The following VAV2 variants were observed in gnomAD, a reference collection of about 807,000 sequenced individuals.
VAV2 encodes the protein guanine nucleotide exchange factor VAV2.
VAV2 carries 67 observed loss-of-function variants against 132.5 expected under a neutral mutation model. The observed-to-expected ratio is 0.51, with a 90% confidence interval of 0.42 to 0.62. The LOEUF (loss-of-function observed/expected upper bound fraction) is 0.62, where lower values mean the gene tolerates loss of function less well. VAV2 is among the 20% of genes least tolerant of loss of function. The pLI is 0.00. For missense variants in VAV2, 938 were observed against 1,153.6 expected, an observed-to-expected ratio of 0.81 and a Z score of 2.71; for synonymous variants, 492 against 443.5, an observed-to-expected ratio of 1.11 and a Z score of -1.37.
intron 2 of VAV2, among the ~76,000 whole-genome samples, chr9:133,874,945 C>G (rs548561045): frequency 1.3e-5 from 2 of 152,286 alleles, no homozygotes; most frequent in East Asian, 3.9e-4. Flanking sequence ...AGAACCCTCA[C>G]CTTACACACA....
intron 4 of VAV2, among the ~76,000 whole-genome samples, chr9:133,814,223 C>T (rs1835469027): frequency 6.6e-6 from 1 of 152,162 alleles, no homozygotes; most frequent in African/African-American, 2.4e-5. Flanking sequence ...CCAGGTCCGG[C>T]GACTGCCTTA....
chr9:133,777,133 C>G (rs946863413), intron 23 of VAV2, among the ~76,000 whole-genome samples: 38 of 152,236 alleles, frequency 2.5e-4, no homozygotes, highest in African/African-American at 8.9e-4. Context: ...TGCAGAAATG[C>G]CTGTTTTGGT....
intron 1 of VAV2, among the ~76,000 whole-genome samples, chr9:133,970,793 T>A (rs1842306325): frequency 6.6e-6 from 1 of 152,336 alleles, no homozygotes; most frequent in South Asian, 2.1e-4. Context: ...AGGGCAGCCC[T>A]GAACTAGCAG....
chr9:133,764,351 AT>A (rs1833365695), intron 29 of VAV2, among the ~76,000 whole-genome samples: 1 of 152,208 alleles, frequency 6.6e-6, no homozygotes, highest in African/African-American at 2.4e-5. Flanking sequence ...CAGAAAAAAA[AT>A]AAACCCTCCT....
At chr9:133,855,650 C>G (rs540442826) in intron 3 of VAV2, among the ~76,000 whole-genome samples, 2 of 152,344 alleles carry the variant, frequency 1.3e-5, no homozygotes, top group South Asian at 4.1e-4. Flanking sequence ...CAGCTCCCCC[C>G]GCACATGGGA....
intron 1 of VAV2, among the ~76,000 whole-genome samples, chr9:133,987,524 G>A (rs563457163): frequency 7.9e-4 from 121 of 152,390 alleles, no homozygotes; most frequent in South Asian, 6.2e-3. Flanking sequence ...CCAGGCTGGC[G>A]TGTCCGGGAA....
intron 1 of VAV2, among the ~76,000 whole-genome samples, chr9:133,941,102 C>A (rs946433133): frequency 6.6e-6 from 1 of 152,070 alleles, no homozygotes; most frequent in Non-Finnish European, 1.5e-5. Context: ...CTGTGCCCAC[C>A]AAACACTCAA....
At chr9:133,956,795 C>A (rs1841796290) in intron 1 of VAV2, among the ~76,000 whole-genome samples, 1 of 152,206 alleles carries the variant, frequency 6.6e-6, no homozygotes, top group Admixed American at 6.5e-5. Flanking sequence ...GCCTTCCGCC[C>A]CCACCCAGGC....
intron 2 of VAV2, among the ~76,000 whole-genome samples, chr9:133,866,088 C>T (rs1187363932): frequency 6.6e-6 from 1 of 152,184 alleles, no homozygotes; most frequent in African/African-American, 2.4e-5. Context: ...ATCTCCCTCA[C>T]CTCCACCATG....
chr9:133,779,991 G>A (rs1833949537), intron 20 of VAV2, 52 bp from the exon 21 acceptor site: 3 of 1,608,706 alleles, frequency 1.9e-6, no homozygotes, highest in Non-Finnish European at 2.5e-6. Context: ...CTCTTTGACT[G>A]TGGCCCATGC....
chr9:133,908,675 G>A (rs1045812340), intron 2 of VAV2, among the ~76,000 whole-genome samples: 19 of 152,358 alleles, frequency 1.2e-4, no homozygotes, highest in Middle Eastern at 6.8e-3. Context: ...AAGGCAGCAG[G>A]CTGTAGTGGG....
At chr9:133,832,233 G>A (rs1564389154) in intron 4 of VAV2, among the ~76,000 whole-genome samples, 1 of 152,258 alleles carries the variant, frequency 6.6e-6, no homozygotes, top group Non-Finnish European at 1.5e-5. Context: ...CATGGGTGCT[G>A]AGGGGGCGCT....
chr9:133,789,659 GC>G (rs1343156650), intron 13 of VAV2, among the ~76,000 whole-genome samples: 1 of 151,448 alleles, frequency 6.6e-6, no homozygotes, highest in Non-Finnish European at 1.5e-5. Flanking sequence ...GCTGTGTGGA[GC>G]CCCAAGCGGG....
chr9:133,959,811 G>A (rs955338309), intron 1 of VAV2, among the ~76,000 whole-genome samples: 1 of 152,188 alleles, frequency 6.6e-6, no homozygotes, highest in African/African-American at 2.4e-5. Context: ...GAAGGCAGAG[G>A]CTGGCCAGCC....
intron 1 of VAV2, among the ~76,000 whole-genome samples, chr9:133,964,054 TATATAC>T (rs1564507740): frequency 2.2e-4 from 29 of 131,522 alleles, no homozygotes; most frequent in African/African-American, 4.1e-4. Context: ...TATATACATA[TATATAC>T]ATATATATAA....
chr9:133,866,414 C>T (rs1212124403), intron 2 of VAV2, among the ~76,000 whole-genome samples: 2 of 152,178 alleles, frequency 1.3e-5, no homozygotes, highest in Admixed American at 6.5e-5. Flanking sequence ...GCAAAACAGC[C>T]GTCAAATCAC....
intron 1 of VAV2, among the ~76,000 whole-genome samples, chr9:133,955,948 C>T (rs1402969101): frequency 1.3e-5 from 2 of 150,536 alleles, no homozygotes; most frequent in Non-Finnish European, 3.0e-5. Flanking sequence ...CTGCTGGAGG[C>T]CCCCGCTCCG....
At chr9:133,887,550 G>A (rs1033554916) in intron 2 of VAV2, among the ~76,000 whole-genome samples, 3 of 146,784 alleles carry the variant, frequency 2.0e-5, no homozygotes, top group East Asian at 4.3e-4. Context: ...CAGCAGCACT[G>A]AACTCACTCA....
intron 1 of VAV2, 51 bp from the exon 2 acceptor site, chr9:133,939,270 A>G: frequency 6.5e-7 from 1 of 1,534,258 alleles, no homozygotes; most frequent in Non-Finnish European, 9.0e-7. Flanking sequence ...TAAAACTGTA[A>G]GCTCTGTAAA....
Sources: allele counts gnomAD v4.1 joint callset (sites outside exome capture counted in the v4.1 genomes callset), GRCh38; gene constraint gnomAD v4.1.1; transcripts MANE v1.5; gene names NCBI Gene and HGNC (gene_info 2026-07-23, HGNC 2026-07-21).